Variants in CREB5 observed in about 807,000 individuals in gnomAD.
The protein encoded by CREB5 is cyclic AMP-responsive element-binding protein 5.
Under a neutral mutation model 57.1 loss-of-function variants are expected in CREB5, and 19 were observed. The observed-to-expected ratio is 0.33, with a 90% CI of 0.23 to 0.49. CREB5 has a LOEUF of 0.49. Ranked by LOEUF, CREB5 falls within the 20% of genes least tolerant of loss-of-function variation. CREB5 has a pLI of 0.99. For missense variants in CREB5, 579 were observed against 671.6 expected, an observed-to-expected ratio of 0.86 and a Z score of 1.52; for synonymous variants, 238 against 238.3, an observed-to-expected ratio of 1.00 and a Z score of 0.01.
intron 1 of CREB5, among the ~76,000 whole-genome samples, chr7:28,454,583 C>G (rs941241182): frequency 1.3e-5 from 2 of 152,200 alleles, no homozygotes; most frequent in Non-Finnish European, 2.9e-5. Flanking sequence ...TCCCCTGAGT[C>G]TAATGACCAG....
chr7:28,473,719 G>T (rs144905441), intron 1 of CREB5, among the ~76,000 whole-genome samples: 1 of 152,226 alleles, frequency 6.6e-6, no homozygotes, highest in South Asian at 2.1e-4. Flanking sequence ...AGCCAAGCCC[G>T]GGCAGGGATC....
At position 28,751,745 on chromosome 7, in the gene CREB5, G is replaced by A. The variant is rs111805244; in HGVS notation, c.702+27413G>A. On this transcript the variant is annotated intron_variant, in intron 7 of 10. Transcript: ENST00000357727. ...CCAAAACCAGGAAATTAACATTGGT[G>A]CAATGTTATTAACTAAACTTCAGAC... Among the ~76,000 whole-genome samples, 1,282 of 152,198 alleles carry A rather than the reference G, an allele frequency of 8.4e-3. 19 individuals are homozygous for A. Among genetic ancestry groups the A allele is most frequent in the African/African-American group, 0.029 (1,223 of 41,514 alleles).
At chr7:28,694,046 C>A (rs1447916343) in intron 5 of CREB5, among the ~76,000 whole-genome samples, 1 of 152,150 alleles carries the variant, frequency 6.6e-6, no homozygotes, top group Non-Finnish European at 1.5e-5. Context: ...TTTATTTCAA[C>A]ATCAAAAGAG....
intron 5 of CREB5, among the ~76,000 whole-genome samples, chr7:28,711,390 G>A (rs1016991853): frequency 6.6e-6 from 1 of 152,192 alleles, no homozygotes; most frequent in African/African-American, 2.4e-5. Context: ...CTGGCATTTT[G>A]ATGCCTTTTC....
intron 5 of CREB5, among the ~76,000 whole-genome samples, chr7:28,635,566 C>T (rs556104723): frequency 5.3e-5 from 8 of 152,310 alleles, no homozygotes; most frequent in South Asian, 4.2e-4. Flanking sequence ...TGACAAGCTG[C>T]GGAATCAAAA....
chr7:28,731,462 A>G (rs932793555), intron 7 of CREB5, among the ~76,000 whole-genome samples: 2 of 152,356 alleles, frequency 1.3e-5, no homozygotes, highest in African/African-American at 4.8e-5. Flanking sequence ...TTAATTGCCT[A>G]TGAATCACCA....
At position 28,686,606 on chromosome 7, in the gene CREB5, G is replaced by A. The variant is rs142390039; in HGVS notation, c.465-32147G>A. Among the ~76,000 whole-genome samples the A allele has an allele frequency of 1.8e-3, 274 of 152,296 alleles. No homozygotes were observed. The Middle Eastern group carries it at 0.034, about 19-fold the overall frequency. On this transcript the variant is annotated intron_variant, in intron 5 of 10. Transcript: ENST00000357727. ...TGCGGTGTCGCTCCTAATCGGAGGAGACAGGGAGAGAGTTAAAATGCAGGA... is the reference window on the plus strand; with the variant it reads ...TGCGGTGTCGCTCCTAATCGGAGGAAACAGGGAGAGAGTTAAAATGCAGGA...
chr7:28,468,708 T>G (rs1387463494), intron 1 of CREB5, among the ~76,000 whole-genome samples: 1 of 152,264 alleles, frequency 6.6e-6, no homozygotes, highest in Admixed American at 6.5e-5. Flanking sequence ...TGTGTCTGCC[T>G]GCCTTGAAGG....
Position 28,560,819 on chromosome 7 carries a change from T to TGTGTGCGTGTGTGTGTGCGTGC in CREB5, c.292-9543_292-9542insTGCGTGTGTGTGTGCGTGCGTG, listed in dbSNP as rs1562796977. On this transcript the variant is annotated intron_variant, in intron 4 of 10. Transcript: ENST00000357727. ...CACAGTGTGTGTGCGCGTGTGTGTG[T>TGTGTGCGTGTGTGTGTGCGTGC]GTGCGCGCGCGCGCGTGTGTGTGTG... is the stretch of plus-strand genomic sequence containing the variant. 4.6e-4 allele frequency among the ~76,000 whole-genome samples: 29 copies of TGTGTGCGTGTGTGTGTGCGTGC among 62,414 alleles called. 1 individual carries two copies. The highest frequency in any genetic ancestry group is 1.2e-3 in the South Asian group (2 of 1,668). 40.9% of individuals were successfully genotyped at this position (62,414 alleles called of 152,430 possible).
chr7:28,399,853 G>A (rs1020925753), intron 1 of CREB5, among the ~76,000 whole-genome samples: 3 of 152,008 alleles, frequency 2.0e-5, no homozygotes, highest in Non-Finnish European at 4.4e-5. Context: ...TCAGGAGTTC[G>A]AGACCAGCCT....
intron 1 of CREB5, among the ~76,000 whole-genome samples, chr7:28,463,428 A>G (rs1014618758): frequency 2.6e-5 from 4 of 152,316 alleles, no homozygotes; most frequent in African/African-American, 9.6e-5. Context: ...GAATTTTCAT[A>G]TCGATTTTAG....
At position 28,822,442 on chromosome 7, in the gene CREB5, C is replaced by G. The variant is rs896718739; in HGVS notation, c.*3163C>G. On this transcript the variant is annotated 3_prime_UTR_variant, in exon 11 of 11. Transcript: ENST00000357727. The stretch of plus-strand genomic sequence containing the variant: ...GAGAATATCTTTGTACTCCATTCTC[C>G]TCCCTCAGCCAGTTACTGGGTCACC... 2.0e-5 allele frequency: 3 copies of G among 152,658 alleles called. No individual in the cohort carries two copies. The highest frequency in any genetic ancestry group is 4.4e-5 in the Non-Finnish European group (3 of 68,062). 9.5% of individuals were successfully genotyped at this position (152,658 alleles called of 1,614,324 possible).
intron 4 of CREB5, among the ~76,000 whole-genome samples, chr7:28,542,998 T>C (rs1264024744): frequency 6.6e-6 from 1 of 152,214 alleles, no homozygotes; most frequent in Non-Finnish European, 1.5e-5. Flanking sequence ...ATCATCATAA[T>C]TGCCCTGATC....
intron 1 of CREB5, among the ~76,000 whole-genome samples, chr7:28,336,766 C>T (rs112609261): frequency 5.3e-5 from 8 of 151,554 alleles, no homozygotes; most frequent in African/African-American, 1.9e-4. Flanking sequence ...TTTTCTAGTT[C>T]TTCAACATGA....
chr7:28,553,899 T>C (rs1434192509), intron 4 of CREB5, among the ~76,000 whole-genome samples: 1 of 152,088 alleles, frequency 6.6e-6, no homozygotes, highest in Non-Finnish European at 1.5e-5. Flanking sequence ...GATGGGAGGT[T>C]GAGAGGACCC....
chr7:28,694,452 G>GC (rs34391114), intron 5 of CREB5, among the ~76,000 whole-genome samples: 25,800 of 152,002 alleles, frequency 0.17, 2,772 homozygotes, highest in Middle Eastern at 0.25. Flanking sequence ...CAAGCAGGAA[G>GC]CTCCCTGTGA....
In CREB5 at chr7:28,306,546, G is replaced by GTTTTTTTTTTTT. The variant is rs796910262; in HGVS notation, c.-25+7113_-25+7114insTTTTTTTTTTTT. ...TGCCAGTACATACAGATACAGTTTT[G>GTTTTTTTTTTTT]TTTTTTTTGTTTTTTTTTTTTTTTT... is the stretch of plus-strand genomic sequence containing the variant. On this transcript the variant is annotated intron_variant, in intron 1 of 9. Coordinates refer to the CREB5 transcript ENST00000396299. 2.1e-4 allele frequency among the ~76,000 whole-genome samples: 20 copies of GTTTTTTTTTTTT among 93,518 alleles called. 2 individuals are homozygous for GTTTTTTTTTTTT. The highest frequency in any genetic ancestry group is 5.5e-4 in the African/African-American group (11 of 20,048). 61.4% of individuals were successfully genotyped at this position (93,518 alleles called of 152,430 possible).
In CREB5 at chr7:28,412,825, G is replaced by T; in HGVS notation, c.-90G>T. 1 of 1,221,706 alleles carries T rather than the reference G, an allele frequency of 8.2e-7. No individual in the cohort carries two copies. 75.7% of individuals were successfully genotyped at this position (1,221,706 alleles called of 1,614,324 possible). A position where few individuals can be genotyped will look rare whatever the true frequency, so the allele number is the denominator to read the frequency against. On this transcript the variant is annotated 5_prime_UTR_variant, in exon 1 of 11. Transcript: ENST00000357727. ...ACTTATTTTCTTCCTAATCTTGCTG[G>T]TGAAACAGAAGTTACTAGAAAGAAA... is the stretch of plus-strand genomic sequence containing the variant.
chr7:28,768,453 T>A (rs987057603), intron 7 of CREB5, among the ~76,000 whole-genome samples: 1 of 152,198 alleles, frequency 6.6e-6, no homozygotes, highest in East Asian at 1.9e-4. Context: ...ATATCTAATC[T>A]GAGATGAAAT....
Sources: allele counts gnomAD v4.1 joint callset (sites outside exome capture counted in the v4.1 genomes callset), GRCh38; gene constraint gnomAD v4.1.1; transcripts MANE v1.5; gene names NCBI Gene and HGNC (gene_info 2026-07-23, HGNC 2026-07-21).